The following FARS2 variants were observed in gnomAD, a reference collection of about 807,000 sequenced individuals.
FARS2 encodes the protein phenylalanyl-tRNA synthetase 2, mitochondrial, also known as phenylalanine--tRNA ligase, mitochondrial.
A neutral mutation model predicts 46.4 loss-of-function variants in FARS2; 40 were observed. That is an observed-to-expected ratio of 0.86 (90% confidence interval 0.67 to 1.12). FARS2 has a LOEUF of 1.12. Ranked by LOEUF, FARS2 falls within the 50% of genes most tolerant of loss-of-function variation. The probability of loss-of-function intolerance (pLI) is 0.00; values close to 1 mark genes in which losing one functional copy is unlikely to be tolerated. For missense variants in FARS2, 513 were observed against 567.9 expected, an observed-to-expected ratio of 0.90 and a Z score of 0.98; for synonymous variants, 234 against 214.9, an observed-to-expected ratio of 1.09 and a Z score of -0.78.
intron 1 of FARS2, among the ~76,000 whole-genome samples, chr6:5,313,943 T>C (rs1267767324): frequency 6.6e-6 from 1 of 152,180 alleles, no homozygotes; most frequent in Non-Finnish European, 1.5e-5. Flanking sequence ...AATTGGTATG[T>C]AGTGTGCTGG....
intron 4 of FARS2, among the ~76,000 whole-genome samples, chr6:5,466,375 C>G (rs77910221): frequency 0.04 from 6,104 of 152,238 alleles, 387 homozygotes; most frequent in African/African-American, 0.14. Context: ...ATGCCTGTGT[C>G]ATTTCTTGGT....
intron 6 of FARS2, among the ~76,000 whole-genome samples, chr6:5,705,811 C>T (rs1322366248): frequency 2.0e-5 from 3 of 152,180 alleles, no homozygotes; most frequent in African/African-American, 7.2e-5. Context: ...AGCTTATGCC[C>T]ATCTTTCCTT....
At position 5,625,194 on chromosome 6, in the gene FARS2, G is replaced by A. The variant is rs188737122; in HGVS notation, c.1217+11874G>A. Among the ~76,000 whole-genome samples, 310 of 152,292 alleles carry A rather than the reference G, an allele frequency of 2.0e-3. 2 individuals carry two copies. The highest frequency in any genetic ancestry group is 7.2e-3 in the African/African-American group (300 of 41,550). ...CTAAAGACAGGCCTGTGATTTGTGAGAAAGTCTCAAGGATATGCAGGTAAC... is the reference window on the plus strand; with the variant it reads ...CTAAAGACAGGCCTGTGATTTGTGAAAAAGTCTCAAGGATATGCAGGTAAC... On this transcript the variant is annotated intron_variant, in intron 6 of 6. Coordinates refer to ENST00000274680, the MANE Select transcript of FARS2 (RefSeq NM_006567.5).
chr6:5,435,584 G>T (rs1348431029), intron 4 of FARS2, among the ~76,000 whole-genome samples: 1 of 152,142 alleles, frequency 6.6e-6, no homozygotes, highest in Non-Finnish European at 1.5e-5. Flanking sequence ...AGGCTGACTT[G>T]GTTGTTTTTT....
At chr6:5,327,985 C>G (rs182596711) in intron 1 of FARS2, among the ~76,000 whole-genome samples, 9 of 152,140 alleles carry the variant, frequency 5.9e-5, no homozygotes, top group Non-Finnish European at 1.0e-4. Context: ...TTTCAATACC[C>G]TTTGGGGAAA....
At chr6:5,616,520 T>G (rs1775487324) in intron 6 of FARS2, among the ~76,000 whole-genome samples, 2 of 152,206 alleles carry the variant, frequency 1.3e-5, no homozygotes, top group African/African-American at 4.8e-5. Flanking sequence ...TGTTGGAATA[T>G]TTGCATATAT....
intron 5 of FARS2, among the ~76,000 whole-genome samples, chr6:5,554,303 A>C (rs1771532011): frequency 6.6e-6 from 1 of 152,198 alleles, no homozygotes; most frequent in African/African-American, 2.4e-5. Context: ...TACTTCAGAA[A>C]AAAGGAAGCT....
intron 1 of FARS2, among the ~76,000 whole-genome samples, chr6:5,330,719 G>T (rs181967009): frequency 1.2e-3 from 184 of 152,230 alleles, no homozygotes; most frequent in African/African-American, 3.9e-3. Flanking sequence ...TCTCTAATGG[G>T]GTAGTTAAAG....
intron 5 of FARS2, among the ~76,000 whole-genome samples, chr6:5,574,564 C>A (rs755856333): frequency 3.3e-5 from 5 of 152,122 alleles, no homozygotes; most frequent in Non-Finnish European, 7.4e-5. Flanking sequence ...GAAAAAAATA[C>A]CCTTTACTCA....
intron 1 of FARS2, among the ~76,000 whole-genome samples, chr6:5,279,190 A>G (rs1367100656): frequency 6.6e-6 from 1 of 152,020 alleles, no homozygotes; most frequent in Non-Finnish European, 1.5e-5. Flanking sequence ...ACCCTGGCTA[A>G]CACGGTGAAA....
chr6:5,540,085 G>A (rs557448508), intron 4 of FARS2, among the ~76,000 whole-genome samples: 1 of 152,290 alleles, frequency 6.6e-6, no homozygotes, highest in East Asian at 1.9e-4. Flanking sequence ...TTTTTCACCT[G>A]TCCCGCTTGG....
chr6:5,478,786 A>G (rs1352553896), intron 4 of FARS2, among the ~76,000 whole-genome samples: 2 of 152,040 alleles, frequency 1.3e-5, no homozygotes, highest in Admixed American at 6.5e-5. Flanking sequence ...GAGTGGCCAG[A>G]TGGTTGTGGT....
At chr6:5,572,928 G>A (rs921323906) in intron 5 of FARS2, among the ~76,000 whole-genome samples, 2 of 152,170 alleles carry the variant, frequency 1.3e-5, no homozygotes, top group African/African-American at 4.8e-5. Flanking sequence ...ACTGTCTCAT[G>A]TTAATAGTTT....
At chr6:5,480,899 AAATG>A (rs1235149115) in intron 4 of FARS2, among the ~76,000 whole-genome samples, 1 of 152,226 alleles carries the variant, frequency 6.6e-6, no homozygotes, top group Non-Finnish European at 1.5e-5. Context: ...AGAAGACTAA[AAATG>A]AAAACAACAT....
At chr6:5,524,812 A>T (rs1413201173) in intron 4 of FARS2, among the ~76,000 whole-genome samples, 1 of 151,998 alleles carries the variant, frequency 6.6e-6, no homozygotes, top group Non-Finnish European at 1.5e-5. Context: ...TAACTCGTCT[A>T]CTCTTTCGAT....
intron 4 of FARS2, among the ~76,000 whole-genome samples, chr6:5,435,333 TGTGATAGA>T (rs1433061575): frequency 5.3e-5 from 8 of 152,378 alleles, no homozygotes; most frequent in Non-Finnish European, 1.2e-4. Flanking sequence ...GTTCTCTCCC[TGTGATAGA>T]GTGTATTTAA....
Position 5,288,650 on chromosome 6 carries a change from G to T in FARS2, c.-22+26990G>T, listed in dbSNP as rs368726137. Among the ~76,000 whole-genome samples, 9 of 152,300 alleles carry T rather than the reference G, an allele frequency of 5.9e-5. No homozygotes were observed. In the South Asian group the frequency reaches 1.5e-3, roughly 25 times the overall value. On this transcript the variant is annotated intron_variant, in intron 1 of 6. Coordinates refer to ENST00000274680, the MANE Select transcript of FARS2 (RefSeq NM_006567.5). Reference sequence around the variant, plus strand: ...ATGTACGTGCTGGGCACTGTTGTAGGTGCTGGCAGTATATGGAGGTGCGGA... The same window carrying T: ...ATGTACGTGCTGGGCACTGTTGTAGTTGCTGGCAGTATATGGAGGTGCGGA...
At chr6:5,627,868 C>G (rs1312230861) in intron 6 of FARS2, among the ~76,000 whole-genome samples, 3 of 152,170 alleles carry the variant, frequency 2.0e-5, no homozygotes, top group Non-Finnish European at 4.4e-5. Context: ...GACCAGAACT[C>G]TTTACTATCC....
At chr6:5,429,735 A>G (rs1763055094) in intron 3 of FARS2, among the ~76,000 whole-genome samples, 1 of 152,168 alleles carries the variant, frequency 6.6e-6, no homozygotes, top group Non-Finnish European at 1.5e-5. Flanking sequence ...GCTTGAGCCC[A>G]GGAGTTTGCA....
Sources: allele counts gnomAD v4.1 joint callset (sites outside exome capture counted in the v4.1 genomes callset), GRCh38; gene constraint gnomAD v4.1.1; transcripts MANE v1.5; gene names NCBI Gene and HGNC (gene_info 2026-07-23, HGNC 2026-07-21).